IFNAR1: variants seen among roughly 807,000 people sequenced by gnomAD.
IFNAR1 encodes the protein interferon alpha/beta receptor 1.
In IFNAR1, 47 loss-of-function variants were observed where a neutral mutation model predicts 62.1. The ratio of observed to expected loss-of-function variants is 0.76; its 90% CI spans 0.60 to 0.97. IFNAR1 has a LOEUF of 0.97. IFNAR1 is among the 50% of genes least tolerant of loss of function. The probability of loss-of-function intolerance (pLI) is 0.00; values close to 1 mark genes in which losing one functional copy is unlikely to be tolerated. For synonymous variants in IFNAR1, 219 were observed against 226.9 expected (o/e 0.97, Z 0.31); for missense variants, 638 against 654.5 (o/e 0.97, Z 0.27).
At chr21:33,341,676 G>A (rs1392048187) in intron 3 of IFNAR1, among the ~76,000 whole-genome samples, 5 of 151,850 alleles carry the variant, frequency 3.3e-5, no homozygotes, top group Non-Finnish European at 5.9e-5. Context: ...GTTTATCATT[G>A]TTATTTCTTT....
intron 3 of IFNAR1, 25 bp downstream of exon 3, chr21:33,341,199 T>A: frequency 6.4e-7 from 1 of 1,559,088 alleles, no homozygotes; most frequent in Non-Finnish European, 8.8e-7. Context: ...CTAGCTGAAT[T>A]ATATTCTTTA....
chr21:33,349,035 CA>C, intron 6 of IFNAR1, 55 bp from the exon 7 acceptor site: 1 of 1,084,056 alleles, frequency 9.2e-7, no homozygotes, highest in Non-Finnish European at 1.4e-6. Context: ...TAGTGTCTGG[CA>C]ATTGTAAATA....
intron 1 of IFNAR1, among the ~76,000 whole-genome samples, chr21:33,331,936 A>G (rs570947896): frequency 1.3e-5 from 2 of 152,294 alleles, no homozygotes; most frequent in South Asian, 4.1e-4. Context: ...CCTCCAGGTC[A>G]CAAATCCTGG....
chr21:33,327,658 C>T (rs956587652), intron 1 of IFNAR1, among the ~76,000 whole-genome samples: 13 of 152,058 alleles, frequency 8.5e-5, no homozygotes, highest in Non-Finnish European at 1.8e-4. Context: ...AACTGTGAGC[C>T]CAAAAATATC....
chr21:33,343,211 A>C (rs2083310268), intron 3 of IFNAR1, 57 bp from the exon 4 acceptor site: 6 of 1,445,228 alleles, frequency 4.2e-6, no homozygotes, highest in Non-Finnish European at 5.8e-6. Context: ...TTGTTGAATG[A>C]AGGTTTTGGC....
At position 33,353,665 on chromosome 21, in the gene IFNAR1, T is replaced by A; in HGVS notation, c.1322T>A (p.Val441Asp). Residue 441 changes from valine (V) to aspartate (D), a missense_variant, in exon 10 of 11, where the codon GTT (valine) becomes GAT (aspartate). By Grantham distance (152) the Val-to-Asp change is radical. Coordinates refer to ENST00000270139, the MANE Select transcript of IFNAR1 (RefSeq NM_000629.3). ...PGNTSKIWLI[V>D]GICIALFALP... ...AATACCTCTAAAATTTGGCTTATAG[T>A]TGGAATTTGTATTGCATTATTTGCT... 1 of 1,564,732 alleles carries A rather than the reference T, an allele frequency of 6.4e-7. No homozygotes were observed. Among genetic ancestry groups the A allele is most frequent in the Non-Finnish European group, 8.6e-7 (1 of 1,158,686 alleles).
At chr21:33,350,136 A>G (rs1028840801) in intron 8 of IFNAR1, among the ~76,000 whole-genome samples, 1 of 150,860 alleles carries the variant, frequency 6.6e-6, no homozygotes, top group African/African-American at 2.4e-5. Context: ...ATTCATCTAA[A>G]CCTGGGATTC....
At position 33,355,530 on chromosome 21, in the gene IFNAR1, T is replaced by C. The variant is rs762410025; in HGVS notation, c.1655T>C (p.Leu552Pro). 3 of 1,587,590 alleles carry C rather than the reference T, an allele frequency of 1.9e-6. No individual in the cohort carries two copies. The highest frequency in any genetic ancestry group is 2.6e-6 in the Non-Finnish European group (3 of 1,165,214). Residue 552 changes from leucine to proline, a missense_variant, in exon 11 of 11, where the codon CTA becomes CCA. Transcript: ENST00000270139. The part of the protein sequence containing the change: ...DESESKTSEE[L>P]QQDFV The stretch of plus-strand genomic sequence containing the variant: ...AGCGAAAGTAAAACAAGTGAAGAAC[T>C]ACAGCAGGACTTTGTATGACCAGAA...
rs779126685 is a variant in IFNAR1 at position 33,343,364 on chromosome 21, T to C, written c.473T>C (p.Leu158Ser). The part of the protein sequence containing the change: ...PGTKDSVMWA[L>S]DGLSFTYSLV... ...ACAAAAGATAGTGTTATGTGGGCTT[T>C]GGATGGTTTAAGCTTTACATATAGC... The change falls in exon 4 of 11, where the codon TTG becomes TCG. Residue 158 changes from leucine to serine, a missense_variant. Transcript: ENST00000270139. 7 of 1,613,190 alleles carry C rather than the reference T, an allele frequency of 4.3e-6. No homozygotes were observed. Among genetic ancestry groups the C allele is most frequent in the African/African-American group, 1.3e-5 (1 of 75,044 alleles).
chr21:33,324,863 G>A (rs1002829761), upstream of IFNAR1: 12 of 564,546 alleles, frequency 2.1e-5, no homozygotes, highest in Non-Finnish European at 3.2e-5. Context: ...AGGCGCGTGC[G>A]TGGAGGAACG....
Position 33,352,905 on chromosome 21 carries a change from C to G in IFNAR1, c.1291C>G (p.Pro431Ala). 1.3e-6 allele frequency: 2 copies of G among 1,573,432 alleles called. No homozygotes were observed. Among genetic ancestry groups the G allele is most frequent in the Non-Finnish European group, 1.7e-6 (2 of 1,155,534 alleles). Reference protein sequence around the residue: ...FSDAVCEKTKPGNTSKIWLIV... With the variant: ...FSDAVCEKTKAGNTSKIWLIV... ...TGACGCTGTATGTGAGAAAACAAAA[C>G]CAGGTCAGAATCTTTTATTGTCTTT... Residue 431 changes from proline to alanine, a missense_variant, in exon 9 of 11, where the codon CCA becomes GCA. Transcript: ENST00000270139.
At chr21:33,332,225 C>T (rs901939586) in intron 1 of IFNAR1, among the ~76,000 whole-genome samples, 2 of 152,204 alleles carry the variant, frequency 1.3e-5, no homozygotes, top group Admixed American at 1.3e-4. Flanking sequence ...TAACAACCTA[C>T]ACTACCACTG....
intron 1 of IFNAR1, among the ~76,000 whole-genome samples, chr21:33,327,833 A>G (rs1171348477): frequency 1.3e-5 from 2 of 152,212 alleles, no homozygotes; most frequent in African/African-American, 4.8e-5. Context: ...TCTAAGATGT[A>G]CATTTGATTG....
Position 33,359,039 on chromosome 21 carries a change from C to T in IFNAR1, c.*3490C>T, listed in dbSNP as rs2083476043. On this transcript the variant is annotated 3_prime_UTR_variant, in exon 11 of 11. Transcript: ENST00000270139. ...TGTCTCCCCTGCCCCACTGCTGGAA[C>T]AGAGGCTCCAAGAAAACAGGGACCT... 6.6e-6 allele frequency: 1 copy of T among 152,100 alleles called. No homozygotes were observed. The highest frequency in any genetic ancestry group is 2.1e-4 in the South Asian group (1 of 4,836). 9.4% of individuals were successfully genotyped at this position (152,100 alleles called of 1,614,324 possible). A position where few individuals can be genotyped will look rare whatever the true frequency, so the allele number is the denominator to read the frequency against.
chr21:33,343,514 C>A, intron 4 of IFNAR1, 21 bp from the exon 5 acceptor site: 1 of 1,530,446 alleles, frequency 6.5e-7, no homozygotes, highest in Non-Finnish European at 9.0e-7. Context: ...TTTAAAGAAC[C>A]AACTTATATT....
At chr21:33,340,735 A>C (rs998448474) in intron 2 of IFNAR1, among the ~76,000 whole-genome samples, 6 of 152,194 alleles carry the variant, frequency 3.9e-5, no homozygotes, top group African/African-American at 1.4e-4. Context: ...ACAAAATTAT[A>C]TAAAGAACTG....
In IFNAR1 at chr21:33,355,518, C is replaced by T. The variant is rs1228404626; in HGVS notation, c.1643C>T (p.Thr548Ile). 5.6e-6 allele frequency: 9 copies of T among 1,598,224 alleles called. No homozygotes were observed. The highest frequency in any genetic ancestry group is 1.4e-5 in the African/African-American group (1 of 74,058). Reference protein sequence around the residue: ...YSNEDESESKTSEELQQDFV With the variant: ...YSNEDESESKISEELQQDFV Reference sequence around the variant, plus strand: ...AATGAAGATGAAAGCGAAAGTAAAACAAGTGAAGAACTACAGCAGGACTTT... The same window carrying T: ...AATGAAGATGAAAGCGAAAGTAAAATAAGTGAAGAACTACAGCAGGACTTT... The change falls in exon 11 of 11, where the codon ACA becomes ATA. Residue 548 changes from threonine to isoleucine, a missense_variant. Thr to Ile is a moderately conservative substitution (Grantham distance 89). Coordinates refer to ENST00000270139, the MANE Select transcript of IFNAR1 (RefSeq NM_000629.3).
At position 33,349,548 on chromosome 21, in the gene IFNAR1, A is replaced by G; in HGVS notation, c.1143+5A>G. 1 of 1,571,536 alleles carries G rather than the reference A, an allele frequency of 6.4e-7. No individual in the cohort carries two copies. The highest frequency in any genetic ancestry group is 8.7e-7 in the Non-Finnish European group (1 of 1,146,750). On this transcript the variant is annotated splice_donor_5th_base_variant and intron_variant, in intron 8 of 10. Transcript: ENST00000270139. ...GAAAACACTTCAAATGCTGAGGTAAAAAGACTGTATAGTATAATTTTGTAA... is the reference window on the plus strand; with the variant it reads ...GAAAACACTTCAAATGCTGAGGTAAGAAGACTGTATAGTATAATTTTGTAA...
At chr21:33,344,865 G>A (rs577615302) in intron 5 of IFNAR1, among the ~76,000 whole-genome samples, 11 of 151,784 alleles carry the variant, frequency 7.2e-5, no homozygotes, top group Admixed American at 3.3e-4. Context: ...TCGGCTCACC[G>A]CAACCTCTGC....
Sources: gnomAD v4.1 joint callset for allele counts (sites outside exome capture counted in the v4.1 genomes callset) on GRCh38, gnomAD v4.1.1 for gene constraint, MANE v1.5 for transcripts, NCBI Gene and HGNC (gene_info 2026-07-23, HGNC 2026-07-21) for gene names.